Variants in USP49 observed in about 807,000 individuals in gnomAD.
USP49 encodes ubiquitin carboxyl-terminal hydrolase 49.
In USP49, 24 loss-of-function variants were observed where a neutral mutation model predicts 58.6. That is an observed-to-expected ratio of 0.41 (90% CI 0.30 to 0.58). The LOEUF is 0.58. Ranked by LOEUF, USP49 falls within the 20% of genes least tolerant of loss-of-function variation. The probability of loss-of-function intolerance (pLI) is 0.30; values close to 1 mark genes in which losing one functional copy is unlikely to be tolerated. For missense variants in USP49, 703 were observed against 866.1 expected (o/e 0.81, Z 2.36); for synonymous variants, 408 against 365.1 (o/e 1.12, Z -1.34).
intron 2 of USP49, among the ~76,000 whole-genome samples, chr6:41,875,187 TTA>T (rs1422295274): frequency 6.6e-6 from 1 of 151,812 alleles, no homozygotes; most frequent in Non-Finnish European, 1.5e-5. Context: ...ATTTTAAGAT[TTA>T]GTTACATATT....
intron 3 of USP49, among the ~76,000 whole-genome samples, chr6:41,813,797 C>A (rs369671946): frequency 1.3e-5 from 2 of 152,252 alleles, no homozygotes. Context: ...AAATGGAAAT[C>A]TCCTAAGAGT....
chr6:41,893,110 G>A (rs1324955417), intron 1 of USP49, among the ~76,000 whole-genome samples: 1 of 152,178 alleles, frequency 6.6e-6, no homozygotes, highest in African/African-American at 2.4e-5. Flanking sequence ...GACCAAGCTT[G>A]CTGCAGTATT....
rs183917247 is a variant in USP49 at position 41,797,153 on chromosome 6, G to A, written c.1877-430C>T. ...TTCTTTGTATTTTTAGTAGAGACGG[G>A]GCTTCACCATGTTAGCCAGGATGGT... On this transcript the variant is annotated intron_variant, in intron 7 of 7. Coordinates refer to ENST00000682992, the MANE Select transcript of USP49 (RefSeq NM_001286554.2). Among the ~76,000 whole-genome samples, 402 of 152,112 alleles carry A rather than the reference G, an allele frequency of 2.6e-3. 3 individuals are homozygous for A. The highest frequency in any genetic ancestry group is 4.3e-3 in the Admixed American group (66 of 15,276).
At chr6:41,872,476 A>T (rs1437251193) in intron 2 of USP49, among the ~76,000 whole-genome samples, 1 of 152,184 alleles carries the variant, frequency 6.6e-6, no homozygotes, top group Non-Finnish European at 1.5e-5. Context: ...CCATCCAAGT[A>T]TGAAGTGACA....
rs56260704 is a variant in USP49, at chr6:41,824,433, G to A, written c.-28-17422C>T. ...TAAAAAAAAAAAACATAGCATCGCC[G>A]GGCACAGTGGCTTATGCCTGTAATC... is the stretch of plus-strand genomic sequence containing the variant. On this transcript the variant is annotated intron_variant, in intron 3 of 7. Coordinates refer to ENST00000682992, the MANE Select transcript of USP49 (RefSeq NM_001286554.2). Among the ~76,000 whole-genome samples the A allele has an allele frequency of 4.3e-3, 653 of 151,474 alleles. 7 individuals carry two copies. Among genetic ancestry groups the A allele is most frequent in the African/African-American group, 0.015 (616 of 41,322 alleles).
chr6:41,829,417 G>A (rs946333264), intron 3 of USP49, among the ~76,000 whole-genome samples: 39 of 152,082 alleles, frequency 2.6e-4, no homozygotes, highest in African/African-American at 8.2e-4. Flanking sequence ...GGGTTCAAGC[G>A]ATTCTCCTGC....
At chr6:41,799,045 C>G in intron 6 of USP49, 116 bp from the exon 7 acceptor site, 1 of 1,327,934 alleles carries the variant, frequency 7.5e-7, no homozygotes. Context: ...TTTTGGTTTT[C>G]CCATCAATAA....
intron 5 of USP49, 126 bp from the exon 6 acceptor site, chr6:41,800,064 G>T: frequency 1.3e-6 from 1 of 786,652 alleles, no homozygotes. Context: ...CAATTTTTTG[G>T]GGGGCGCAAT....
intron 2 of USP49, among the ~76,000 whole-genome samples, chr6:41,882,899 G>C (rs1028751949): frequency 2.0e-5 from 3 of 152,014 alleles, no homozygotes; most frequent in Non-Finnish European, 4.4e-5. Context: ...CTGGGCAACA[G>C]AGCAAGATTC....
intron 3 of USP49, among the ~76,000 whole-genome samples, chr6:41,834,547 G>A (rs1773692714): frequency 6.6e-6 from 1 of 152,152 alleles, no homozygotes; most frequent in African/African-American, 2.4e-5. Context: ...ACTGGATCAA[G>A]GGGGCAATTT....
At chr6:41,805,165 A>G (rs1773087876) in intron 4 of USP49, among the ~76,000 whole-genome samples, 1 of 152,216 alleles carries the variant, frequency 6.6e-6, no homozygotes, top group African/African-American at 2.4e-5. Context: ...GTAATGGGGA[A>G]CAGGAAGGAG....
chr6:41,866,318 G>T (rs1479789499), intron 3 of USP49, among the ~76,000 whole-genome samples: 1 of 152,060 alleles, frequency 6.6e-6, no homozygotes, highest in African/African-American at 2.4e-5. Context: ...TCAACTCTGA[G>T]ATTCCCCTAA....
chr6:41,861,847 C>T (rs966849904), intron 3 of USP49, among the ~76,000 whole-genome samples: 4 of 151,978 alleles, frequency 2.6e-5, no homozygotes, highest in African/African-American at 9.7e-5. Context: ...TACAGGTGCA[C>T]ACCACCATGC....
At chr6:41,862,418 G>A (rs1232411998) in intron 3 of USP49, among the ~76,000 whole-genome samples, 1 of 152,128 alleles carries the variant, frequency 6.6e-6, no homozygotes, top group African/African-American at 2.4e-5. Context: ...TAGTTATAGT[G>A]AATATTGATC....
intron 3 of USP49, among the ~76,000 whole-genome samples, chr6:41,858,963 C>T (rs1349598644): frequency 6.6e-6 from 1 of 152,160 alleles, no homozygotes; most frequent in African/African-American, 2.4e-5. Flanking sequence ...GGAACAGCAC[C>T]TACCAGAAAA....
At chr6:41,845,333 T>C (rs1025424169) in intron 3 of USP49, among the ~76,000 whole-genome samples, 3 of 151,994 alleles carry the variant, frequency 2.0e-5, no homozygotes, top group African/African-American at 7.3e-5. Context: ...AGGTCGCAGT[T>C]TGAGACCAGC....
intron 2 of USP49, among the ~76,000 whole-genome samples, chr6:41,883,423 G>A (rs1157005640): frequency 2.7e-5 from 4 of 149,992 alleles, no homozygotes; most frequent in Admixed American, 6.7e-5. Context: ...TTGGGAGGCC[G>A]AGGCAGGTGG....
chr6:41,821,109 TTAGA>T (rs1247566194), intron 3 of USP49, among the ~76,000 whole-genome samples: 1 of 152,322 alleles, frequency 6.6e-6, no homozygotes, highest in South Asian at 2.1e-4. Flanking sequence ...TATTCACAAA[TTAGA>T]TAGGTTATGA....
intron 3 of USP49, among the ~76,000 whole-genome samples, chr6:41,838,252 G>A (rs1773761248): frequency 6.6e-6 from 1 of 152,152 alleles, no homozygotes; most frequent in African/African-American, 2.4e-5. Flanking sequence ...GCAACATCCT[G>A]GCTAACCAGA....
Sources: gnomAD v4.1 joint callset for allele counts (sites outside exome capture counted in the v4.1 genomes callset) on GRCh38, gnomAD v4.1.1 for gene constraint, MANE v1.5 for transcripts, NCBI Gene and HGNC (gene_info 2026-07-23, HGNC 2026-07-21) for gene names.